MALRD1: variants seen among roughly 807,000 people sequenced by gnomAD.
The protein encoded by MALRD1 is MAM and LDL receptor class A domain containing 1, also known as MAM and LDL-receptor class A domain-containing protein 1.
MALRD1 carries 247 observed loss-of-function variants against 242.1 expected under a neutral mutation model. The ratio of observed to expected loss-of-function variants is 1.02; its 90% confidence interval spans 0.92 to 1.13. The LOEUF (loss-of-function observed/expected upper bound fraction) is 1.13. MALRD1 is among the 50% of genes most tolerant of loss of function. MALRD1 has a pLI of 0.00. For missense variants in MALRD1, 2,989 were observed against 2,533.1 expected (o/e 1.18, Z -3.86); for synonymous variants, 995 against 866.6 (o/e 1.15, Z -2.60).
intron 18 of MALRD1, among the ~76,000 whole-genome samples, chr10:19,225,537 A>T (rs72786601): frequency 0.19 from 28,647 of 151,984 alleles, 2,817 homozygotes; most frequent in African/African-American, 0.25. Context: ...GTCATTACCA[A>T]TATTGCTATG....
intron 5 of MALRD1, among the ~76,000 whole-genome samples, chr10:19,105,946 A>G (rs1452990201): frequency 6.6e-6 from 1 of 151,906 alleles, no homozygotes; most frequent in Non-Finnish European, 1.5e-5. Context: ...GTTTGCAAAC[A>G]TTGCCTCTGA....
chr10:19,642,626 A>G (rs1292222435), intron 36 of MALRD1, among the ~76,000 whole-genome samples: 1 of 152,232 alleles, frequency 6.6e-6, no homozygotes, highest in African/African-American at 2.4e-5. Flanking sequence ...AAAGCTAGGA[A>G]CAAATTAGAA....
At chr10:19,503,013 A>G (rs1428030143) in intron 31 of MALRD1, among the ~76,000 whole-genome samples, 6 of 152,234 alleles carry the variant, frequency 3.9e-5, no homozygotes, top group Admixed American at 2.6e-4. Flanking sequence ...GAATCTGGTT[A>G]TTTATGTAAT....
chr10:19,261,183 G>A (rs1839730348), intron 19 of MALRD1, among the ~76,000 whole-genome samples: 1 of 152,102 alleles, frequency 6.6e-6, no homozygotes, highest in African/African-American at 2.4e-5. Context: ...CAGTTCCAAG[G>A]GGAGGTAAAA....
intron 7 of MALRD1, among the ~76,000 whole-genome samples, chr10:19,125,146 A>G (rs1434625705): frequency 2.0e-5 from 3 of 151,614 alleles, no homozygotes; most frequent in Non-Finnish European, 2.9e-5. Flanking sequence ...GGAATTCACC[A>G]TGTTGGCCAG....
chr10:19,458,694 T>C (rs1272428688), intron 29 of MALRD1, among the ~76,000 whole-genome samples: 2 of 152,160 alleles, frequency 1.3e-5, no homozygotes, highest in Non-Finnish European at 2.9e-5. Flanking sequence ...TCATTTCCAG[T>C]TGAAATATTT....
chr10:19,709,764 A>G (rs1405618439), intron 38 of MALRD1, among the ~76,000 whole-genome samples: 1 of 152,198 alleles, frequency 6.6e-6, no homozygotes, highest in Non-Finnish European at 1.5e-5. Context: ...AAAATTAAAA[A>G]GATGCCTAAT....
At chr10:19,395,617 C>G (rs1161538589) in intron 28 of MALRD1, among the ~76,000 whole-genome samples, 2 of 152,156 alleles carry the variant, frequency 1.3e-5, no homozygotes, top group African/African-American at 2.4e-5. Flanking sequence ...CTAAGTGATT[C>G]TGGGGCCCCA....
At position 19,186,050 on chromosome 10, in the gene MALRD1, T is replaced by G. The variant is rs16918333; in HGVS notation, c.1951+10722T>G. ...CTGTTTTCTGTGTTCTATCTTATGT[T>G]CTTTTTCCATAGCCCTGAATACAAG... On this transcript the variant is annotated intron_variant, in intron 14 of 39. Coordinates refer to ENST00000454679, the MANE Select transcript of MALRD1 (RefSeq NM_001142308.3). Among the ~76,000 whole-genome samples the G allele has an allele frequency of 4.3e-3, 656 of 152,260 alleles. 3 individuals carry two copies. Among genetic ancestry groups the G allele is most frequent in the African/African-American group, 0.015 (622 of 41,552 alleles).
intron 29 of MALRD1, among the ~76,000 whole-genome samples, chr10:19,485,920 A>G (rs1393791627): frequency 6.6e-6 from 1 of 152,040 alleles, no homozygotes; most frequent in Non-Finnish European, 1.5e-5. Context: ...TTCAGTTTTC[A>G]TTATATTTTA....
intron 25 of MALRD1, among the ~76,000 whole-genome samples, chr10:19,349,356 A>C (rs1488101717): frequency 1.3e-5 from 2 of 152,208 alleles, no homozygotes; most frequent in East Asian, 3.9e-4. Context: ...TACCACTGCC[A>C]TAGTATTAAT....
chr10:19,520,973 A>T (rs1027284627), intron 31 of MALRD1, among the ~76,000 whole-genome samples: 1 of 152,146 alleles, frequency 6.6e-6, no homozygotes. Flanking sequence ...ATTTCCAAGA[A>T]TACTTAACAA....
chr10:19,525,796 G>C (rs1384851647), intron 31 of MALRD1, among the ~76,000 whole-genome samples: 4 of 152,092 alleles, frequency 2.6e-5, no homozygotes, highest in African/African-American at 7.2e-5. Flanking sequence ...CACTACACCT[G>C]GTAGTATTTA....
intron 21 of MALRD1, among the ~76,000 whole-genome samples, chr10:19,310,868 G>A (rs1423730507): frequency 6.6e-6 from 1 of 151,394 alleles, no homozygotes; most frequent in Non-Finnish European, 1.5e-5. Flanking sequence ...TACAGTGCAT[G>A]TCCCAGAATA....
intron 12 of MALRD1, among the ~76,000 whole-genome samples, chr10:19,157,287 TC>T (rs1197765023): frequency 2.7e-5 from 4 of 149,264 alleles, no homozygotes; most frequent in Admixed American, 6.6e-5. Flanking sequence ...TTTTTTTTTT[TC>T]CTGAGACAGA....
chr10:19,403,021 T>G (rs935024489), intron 28 of MALRD1, among the ~76,000 whole-genome samples: 4 of 151,936 alleles, frequency 2.6e-5, no homozygotes, highest in Non-Finnish European at 5.9e-5. Context: ...AATAAGACAT[T>G]TATAGTGCTT....
At chr10:19,487,216 G>T (rs1448879213) in intron 29 of MALRD1, among the ~76,000 whole-genome samples, 1 of 151,924 alleles carries the variant, frequency 6.6e-6, no homozygotes, top group Non-Finnish European at 1.5e-5. Context: ...ACAACCAGGT[G>T]AATAGTTTTT....
chr10:19,203,825 T>C lies in MALRD1; in HGVS notation c.2049T>C (p.Ser683=). 1 of 1,550,588 alleles carries C rather than the reference T, an allele frequency of 6.4e-7. No individual in the cohort carries two copies. The highest frequency in any genetic ancestry group is 2.4e-5 in the East Asian group (1 of 40,918). ...TACGGAGCTCTCAGAGTGAACTTTC[T>C]GCTGATTTTGAGCACCAGGCTCCAC... ...DWIRSSQSEL[S]ADFEHQAPPR... is the part of the protein sequence containing the mutation. The change falls in exon 15 of 40, where the codon TCT becomes TCC. Residue 683 remains serine (S), a synonymous_variant. Transcript: ENST00000454679.
At chr10:19,586,444 G>C (rs574838919) in intron 33 of MALRD1, among the ~76,000 whole-genome samples, 1 of 151,970 alleles carries the variant, frequency 6.6e-6, no homozygotes, top group Non-Finnish European at 1.5e-5. Context: ...TCCTTCTAAC[G>C]GACAGGACCC....
Sources: allele counts gnomAD v4.1 joint callset (sites outside exome capture counted in the v4.1 genomes callset), GRCh38; gene constraint gnomAD v4.1.1; transcripts MANE v1.5; gene names NCBI Gene and HGNC (gene_info 2026-07-23, HGNC 2026-07-21).